GPR160: variants seen among roughly 807,000 people sequenced by gnomAD.
GPR160 encodes G protein-coupled receptor 160.
GPR160 carries 2 observed loss-of-function variants against 2.6 expected under a neutral mutation model. The observed-to-expected ratio is 0.77, with a 90% CI of 0.32 to 2.44. The LOEUF is 2.44. Among genes scored for constraint, GPR160 ranks in the 30% most tolerant of loss-of-function variants. The pLI, the probability that GPR160 is intolerant of heterozygous loss-of-function variation, is 0.11. For missense variants in GPR160, 351 were observed against 383.6 expected, an observed-to-expected ratio of 0.91 and a Z score of 0.71; for synonymous variants, 130 against 132.2, an observed-to-expected ratio of 0.98 and a Z score of 0.12.
At position 170,085,053 on chromosome 3, in the gene GPR160, A is replaced by T. The variant is rs79112906; in HGVS notation, c.*64A>T. 3.0e-3 allele frequency: 2,650 copies of T among 873,172 alleles called. 45 individuals are homozygous for T. The African/African-American group carries it at 0.04, about 13-fold the overall frequency. 54.1% of individuals were successfully genotyped at this position (873,172 alleles called of 1,614,324 possible). Reference sequence around the variant, plus strand: ...ATTTTATGAACAGAAAGAACTCAGGACATATTAAAAAATAAACTGAACTAA... The same window carrying T: ...ATTTTATGAACAGAAAGAACTCAGGTCATATTAAAAAATAAACTGAACTAA... On this transcript the variant is annotated 3_prime_UTR_variant, in exon 4 of 4. Transcript: ENST00000355897.
chr3:170,061,694 TCTC>T (rs1389811235), intron 2 of GPR160, among the ~76,000 whole-genome samples: 1 of 152,160 alleles, frequency 6.6e-6, no homozygotes, highest in African/African-American at 2.4e-5. Context: ...TATATTTCCA[TCTC>T]ATCTACATAT....
intron 2 of GPR160, among the ~76,000 whole-genome samples, chr3:170,047,230 C>G (rs151218875): frequency 4.3e-4 from 65 of 152,250 alleles, no homozygotes; most frequent in Non-Finnish European, 6.0e-4. Context: ...AGTGTGTAGT[C>G]TGTACCTGCC....
chr3:170,045,627 GAAGT>G (rs1716689356), intron 2 of GPR160, among the ~76,000 whole-genome samples: 1 of 151,722 alleles, frequency 6.6e-6, no homozygotes, highest in African/African-American at 2.4e-5. Flanking sequence ...GAAAAAAAAA[GAAGT>G]GAGTTCAGAG....
At chr3:170,064,976 A>G (rs1191379805) in intron 2 of GPR160, among the ~76,000 whole-genome samples, 1 of 152,106 alleles carries the variant, frequency 6.6e-6, no homozygotes, top group Non-Finnish European at 1.5e-5. Flanking sequence ...GTGCTACCTA[A>G]GAAAGTCTCT....
intron 2 of GPR160, among the ~76,000 whole-genome samples, chr3:170,069,798 C>A (rs1240640813): frequency 6.6e-6 from 1 of 152,088 alleles, no homozygotes; most frequent in Non-Finnish European, 1.5e-5. Flanking sequence ...AATATAACCA[C>A]ACATATTAAT....
intron 2 of GPR160, among the ~76,000 whole-genome samples, chr3:170,062,075 T>C (rs776711626): frequency 3.3e-5 from 5 of 152,248 alleles, no homozygotes; most frequent in Non-Finnish European, 7.3e-5. Context: ...CAACATGCCA[T>C]CCATTGTAAG....
rs1713371139 is a variant in GPR160, at chr3:170,085,199, A to T, written c.*210A>T. ...ATAATTCCAAGAAGTTTTTATAGTT[A>T]TTCAGGGACACTATATTACAAATAT... On this transcript the variant is annotated 3_prime_UTR_variant, in exon 4 of 4. Coordinates refer to ENST00000355897, the MANE Select transcript of GPR160 (RefSeq NM_014373.3). 2.8e-6 allele frequency: 1 copy of T among 358,120 alleles called. No individual in the cohort carries two copies. The highest frequency in any genetic ancestry group is 4.5e-5 in the Admixed American group (1 of 22,070). 22.2% of individuals were successfully genotyped at this position (358,120 alleles called of 1,614,324 possible).
intron 2 of GPR160, among the ~76,000 whole-genome samples, chr3:170,074,553 C>A (rs1045808199): frequency 6.6e-6 from 1 of 152,000 alleles, no homozygotes; most frequent in Non-Finnish European, 1.5e-5. Flanking sequence ...ACAATCTTGG[C>A]TCACCACAAC....
At chr3:170,080,473 C>A (rs149113989) in intron 3 of GPR160, among the ~76,000 whole-genome samples, 3 of 152,260 alleles carry the variant, frequency 2.0e-5, no homozygotes, top group African/African-American at 7.2e-5. Flanking sequence ...TGTTCCATGT[C>A]GGACTTGTCT....
chr3:170,071,272 G>A (rs567880663), intron 2 of GPR160, among the ~76,000 whole-genome samples: 3 of 152,252 alleles, frequency 2.0e-5, no homozygotes, highest in East Asian at 1.9e-4. Context: ...GCTTGGCACC[G>A]TCCCCTTGGT....
intron 2 of GPR160, among the ~76,000 whole-genome samples, chr3:170,042,314 A>G (rs1384993451): frequency 6.6e-6 from 1 of 151,152 alleles, no homozygotes; most frequent in African/African-American, 2.4e-5. Flanking sequence ...CCAGCTACTC[A>G]GGAGGTTGAG....
intron 2 of GPR160, among the ~76,000 whole-genome samples, chr3:170,051,924 A>G (rs2108316314): frequency 6.6e-6 from 1 of 152,070 alleles, no homozygotes; most frequent in South Asian, 2.1e-4. Context: ...AGTCTTGTGG[A>G]CATGTTTTGT....
At chr3:170,083,070 A>AT (rs555535488) in intron 3 of GPR160, among the ~76,000 whole-genome samples, 23 of 150,500 alleles carry the variant, frequency 1.5e-4, no homozygotes, top group Middle Eastern at 3.5e-3. Flanking sequence ...GGGTCAACTG[A>AT]TTTTTTTTAA....
intron 2 of GPR160, among the ~76,000 whole-genome samples, chr3:170,040,535 C>CT (rs138314517): frequency 2.0e-5 from 3 of 152,232 alleles, no homozygotes; most frequent in Non-Finnish European, 2.9e-5. Context: ...GCTAGGTCAG[C>CT]TTTTTTTACA....
chr3:170,084,287 T>G lies in GPR160; in HGVS notation c.315T>G (p.Tyr105Ter). 1 of 1,609,164 alleles carries G rather than the reference T, an allele frequency of 6.2e-7. No homozygotes were observed. ...TTACTCAAATTATTTCCTTTACTTA[T>G]GGCTTTTTGCATTATCCAGTTTTCC... ...CLFTQIISFT[Y>*]GFLHYPVFLT... Residue 105 changes from tyrosine to a stop codon, truncating the protein, a stop_gained, in exon 4 of 4, where the codon TAT becomes TAG. Coordinates refer to ENST00000355897, the MANE Select transcript of GPR160 (RefSeq NM_014373.3). LOFTEE classifies it low-confidence loss of function (END_TRUNC).
intron 2 of GPR160, among the ~76,000 whole-genome samples, chr3:170,071,880 G>A (rs1559990606): frequency 2.6e-5 from 4 of 151,932 alleles, no homozygotes; most frequent in Non-Finnish European, 5.9e-5. Flanking sequence ...AACATAACAT[G>A]TTTTTGAGGC....
rs117386105 is a variant in GPR160, at chr3:170,048,005, T to C, written c.-193+8962T>C. ...GGCATCAGCCATCATGTCCAGGTAA[T>C]TTTTGTAGCGACAGGGTTTCACCAC... On this transcript the variant is annotated intron_variant, in intron 2 of 3. Transcript: ENST00000355897. Among the ~76,000 whole-genome samples the C allele has an allele frequency of 9.9e-5, 15 of 152,232 alleles. No individual in the cohort carries two copies. In the East Asian group the frequency reaches 2.9e-3, roughly 29 times the overall value.
intron 2 of GPR160, among the ~76,000 whole-genome samples, chr3:170,079,036 CT>C (rs1371738232): frequency 1.3e-5 from 2 of 152,046 alleles, no homozygotes; most frequent in African/African-American, 2.4e-5. Flanking sequence ...AGAAACCGAC[CT>C]TTGATCATCC....
At chr3:170,047,380 G>A (rs1716766978) in intron 2 of GPR160, among the ~76,000 whole-genome samples, 1 of 152,156 alleles carries the variant, frequency 6.6e-6, no homozygotes, top group African/African-American at 2.4e-5. Context: ...TATTCTGAAA[G>A]GTTTAAAGGG....
Sources: allele counts gnomAD v4.1 joint callset (sites outside exome capture counted in the v4.1 genomes callset), GRCh38; gene constraint gnomAD v4.1.1; transcripts MANE v1.5; gene names NCBI Gene and HGNC (gene_info 2026-07-23, HGNC 2026-07-21).